The following IQGAP1 variants were observed in gnomAD, a reference collection of about 807,000 sequenced individuals.
IQGAP1 encodes ras GTPase-activating-like protein IQGAP1.
A neutral mutation model predicts 215.6 loss-of-function variants in IQGAP1; 66 were observed. The ratio of observed to expected loss-of-function variants is 0.31; its 90% confidence interval spans 0.25 to 0.38. IQGAP1 has a LOEUF of 0.38. Among genes scored for constraint, IQGAP1 ranks in the 10% least tolerant of loss-of-function variants. The pLI, the probability that IQGAP1 is intolerant of heterozygous loss-of-function variation, is 1.00. For synonymous variants in IQGAP1, 772 were observed against 728.7 expected (o/e 1.06, Z -0.96); for missense variants, 1,712 against 1,997.1 (o/e 0.86, Z 2.72).
At chr15:90,442,247 A>G (rs1245096024) in intron 8 of IQGAP1, among the ~76,000 whole-genome samples, 3 of 152,184 alleles carry the variant, frequency 2.0e-5, no homozygotes, top group Non-Finnish European at 4.4e-5. Context: ...TCCCGAGGTC[A>G]GGAGTTTGAG....
chr15:90,407,215 G>A (rs145197087), intron 2 of IQGAP1, among the ~76,000 whole-genome samples: 9 of 152,262 alleles, frequency 5.9e-5, no homozygotes, highest in African/African-American at 2.2e-4. Context: ...GAGCGTGTTC[G>A]ATGAGTATGA....
Position 90,399,132 on chromosome 15 carries a change from A to AT in IQGAP1, c.155+8270dup, listed in dbSNP as rs1173919198. On this transcript the variant is annotated intron_variant, in intron 2 of 37. Coordinates refer to ENST00000268182, the MANE Select transcript of IQGAP1 (RefSeq NM_003870.4). ...CACCTCACCTAACTAATTAAAAAAA[A>AT]TTTTTTTTTTTGTAGAGATGGGGTT... is the stretch of plus-strand genomic sequence containing the variant. 3.2e-3 allele frequency among the ~76,000 whole-genome samples: 466 copies of AT among 147,768 alleles called. 1 individual carries two copies. The highest frequency in any genetic ancestry group is 4.7e-3 in the Admixed American group (69 of 14,814).
intron 26 of IQGAP1, among the ~76,000 whole-genome samples, chr15:90,479,787 A>T (rs1966031209): frequency 6.6e-6 from 1 of 152,062 alleles, no homozygotes; most frequent in Non-Finnish European, 1.5e-5. Flanking sequence ...ATTGGTTCTC[A>T]GTACCATGTA....
At chr15:90,450,652 G>A (rs531191948) in intron 11 of IQGAP1, among the ~76,000 whole-genome samples, 5 of 152,044 alleles carry the variant, frequency 3.3e-5, no homozygotes, top group African/African-American at 4.8e-5. Flanking sequence ...TAATTGGGGT[G>A]AGAAAGTATC....
chr15:90,467,982 G>C (rs1965854803), intron 18 of IQGAP1, among the ~76,000 whole-genome samples: 1 of 152,036 alleles, frequency 6.6e-6, no homozygotes, highest in African/African-American at 2.4e-5. Flanking sequence ...TTTTCATAGA[G>C]CTTTTAAAGT....
At chr15:90,454,136 C>G (rs1965646184) in intron 13 of IQGAP1, among the ~76,000 whole-genome samples, 1 of 152,184 alleles carries the variant, frequency 6.6e-6, no homozygotes, top group Admixed American at 6.5e-5. Context: ...TCTGTCATTC[C>G]TCCTGCATTT....
intron 15 of IQGAP1, among the ~76,000 whole-genome samples, chr15:90,464,301 T>C (rs569499950): frequency 6.6e-6 from 1 of 152,300 alleles, no homozygotes; most frequent in South Asian, 2.1e-4. Context: ...ATCTGCTGAA[T>C]TGATGCTCTC....
At chr15:90,489,936 C>A (rs1421125351) in intron 33 of IQGAP1, among the ~76,000 whole-genome samples, 2 of 152,166 alleles carry the variant, frequency 1.3e-5, no homozygotes, top group African/African-American at 4.8e-5. Flanking sequence ...GAAACCAAGA[C>A]CCTTACAGGT....
intron 5 of IQGAP1, among the ~76,000 whole-genome samples, chr15:90,434,602 A>G (rs1965346223): frequency 6.6e-6 from 1 of 152,192 alleles, no homozygotes; most frequent in African/African-American, 2.4e-5. Flanking sequence ...ATAGGAAGGA[A>G]AAGATGCAAG....
intron 1 of IQGAP1, 127 bp from the exon 2 acceptor site, chr15:90,390,647 C>G (rs533245950): frequency 2.5e-4 from 154 of 605,502 alleles, no homozygotes; most frequent in Non-Finnish European, 3.7e-4. Context: ...GTACACCTGG[C>G]TGGCTACACA....
In IQGAP1 at chr15:90,477,075, C is replaced by G. The variant is rs777611381; in HGVS notation, c.2949C>G (p.Pro983=). Residue 983 remains proline, a synonymous_variant, in exon 25 of 38, where the codon CCC becomes CCG. Coordinates refer to ENST00000268182, the MANE Select transcript of IQGAP1 (RefSeq NM_003870.4). ...QHLFYLLQTN[P]TYLAKLIFQM... is the part of the protein sequence containing the mutation. The stretch of plus-strand genomic sequence containing the variant: ...CCTTGGTTTTATTTCAGACCAATCC[C>G]ACCTATCTGGCCAAGCTCATTTTTC... The G allele has an allele frequency of 6.2e-7, 1 of 1,613,994 alleles. No homozygotes were observed. Among genetic ancestry groups the G allele is most frequent in the Non-Finnish European group, 8.5e-7 (1 of 1,179,968 alleles).
intron 2 of IQGAP1, among the ~76,000 whole-genome samples, chr15:90,405,583 T>C (rs752401243): frequency 3.3e-5 from 5 of 152,154 alleles, no homozygotes; most frequent in Non-Finnish European, 7.3e-5. Context: ...GGTTTAGTGG[T>C]GAAATAAGCT....
chr15:90,478,009 TAGAC>T, intron 26 of IQGAP1, 120 bp downstream of exon 26: 3 of 709,944 alleles, frequency 4.2e-6, no homozygotes, highest in Non-Finnish European at 6.9e-6. Flanking sequence ...TTTCTTTTTT[TAGAC>T]AGAGTTTCAC....
At chr15:90,464,375 A>G (rs1965801874) in intron 15 of IQGAP1, among the ~76,000 whole-genome samples, 1 of 152,134 alleles carries the variant, frequency 6.6e-6, no homozygotes, top group Non-Finnish European at 1.5e-5. Context: ...TGAAACCTAC[A>G]TAACCTCAGT....
In IQGAP1 at chr15:90,388,411, C is replaced by G; in HGVS notation, c.55+15C>G. ...GCACTATGGCTGTGAGTGCGGGGCT[C>G]CGCGGCGCGGGGGCTTCGGGCTGGG... On this transcript the variant is annotated intron_variant, in intron 1 of 37. Coordinates refer to ENST00000268182, the MANE Select transcript of IQGAP1 (RefSeq NM_003870.4). 6.4e-7 allele frequency: 1 copy of G among 1,567,156 alleles called. No homozygotes were observed. The highest frequency in any genetic ancestry group is 2.6e-5 in the East Asian group (1 of 39,110).
At chr15:90,422,782 A>G (rs1965165402) in intron 2 of IQGAP1, among the ~76,000 whole-genome samples, 1 of 150,818 alleles carries the variant, frequency 6.6e-6, no homozygotes. Context: ...TGCAGCCTTG[A>G]CCTCCTGGGC....
rs774502043 is a variant in IQGAP1, at chr15:90,448,627, C to A, written c.968C>A (p.Ala323Asp). 1.2e-6 allele frequency: 2 copies of A among 1,608,966 alleles called. No homozygotes were observed. The highest frequency in any genetic ancestry group is 1.7e-6 in the Non-Finnish European group (2 of 1,177,862). Residue 323 changes from alanine to aspartate, a missense_variant, in exon 10 of 38, where the codon GCC becomes GAC. Ala to Asp is a moderately radical substitution (Grantham distance 126, BLOSUM62 -2). This residue lies in a region of IQGAP1 where 1,021 missense variants were observed against 1,074.2 expected (regional missense o/e 0.95). Transcript: ENST00000268182. ...DLALEQGDAL[A>D]LFRALQSPAL... Reference sequence around the variant, plus strand: ...GCTTTAGAACAAGGAGATGCACTGGCCTTGTTCAGGGCTCTGCAGTCACCA... The same window carrying A: ...GCTTTAGAACAAGGAGATGCACTGGACTTGTTCAGGGCTCTGCAGTCACCA...
rs755194403 is a variant in IQGAP1 at position 90,456,213 on chromosome 15, G to A, written c.1674G>A (p.Leu558=). ...ATGAAGGTGATGCCCAAAAGACTCT[G>A]CAGGCCCTACAGATTCCTGCAGCTA... ...ALDEGDAQKT[L]QALQIPAAKL... The change falls in exon 15 of 38, where the codon CTG becomes CTA. Residue 558 remains leucine, a synonymous_variant. Coordinates refer to ENST00000268182, the MANE Select transcript of IQGAP1 (RefSeq NM_003870.4). The A allele has an allele frequency of 1.2e-6, 2 of 1,614,088 alleles. No individual in the cohort carries two copies. The highest frequency in any genetic ancestry group is 2.2e-5 in the East Asian group (1 of 44,884).
At position 90,420,269 on chromosome 15, in the gene IQGAP1, A is replaced by G. The variant is rs372856291; in HGVS notation, c.156-5841A>G. On this transcript the variant is annotated intron_variant, in intron 2 of 37. Transcript: ENST00000268182. ...CCTGTTAGCCTTTTTTAACAAATGA[A>G]AGAACTGGTCAAGTGGCTTGCTGTC... Among the ~76,000 whole-genome samples, 64 of 152,260 alleles carry G rather than the reference A, an allele frequency of 4.2e-4. No homozygotes were observed. The South Asian group carries it at 0.013, about 30-fold the overall frequency.
Sources: gnomAD v4.1 joint callset for allele counts (sites outside exome capture counted in the v4.1 genomes callset) on GRCh38, gnomAD v4.1.1 for gene constraint, gnomAD v4.1.1 regional missense constraint, MANE v1.5 for transcripts, NCBI Gene and HGNC (gene_info 2026-07-23, HGNC 2026-07-21) for gene names.